TCHP: variants seen among roughly 807,000 people sequenced by gnomAD.
TCHP encodes trichoplein keratin filament-binding protein.
Under a neutral mutation model 88.7 loss-of-function variants are expected in TCHP, and 81 were observed. The observed-to-expected ratio is 0.91, with a 90% CI of 0.76 to 1.10. The LOEUF (loss-of-function observed/expected upper bound fraction) is 1.10. TCHP is among the 50% of genes least tolerant of loss of function. TCHP has a pLI of 0.00. For synonymous variants in TCHP, 232 were observed against 232.5 expected (o/e 1.00, Z 0.02); for missense variants, 641 against 632.1 (o/e 1.01, Z -0.15).
chr12:109,894,625 C>T, the TCHP span, among the ~76,000 whole-genome samples: 9 of 151,370 alleles, frequency 5.9e-5, no homozygotes, highest in Non-Finnish European at 8.8e-5. Flanking sequence ...ATTAGTTGGG[C>T]GTAGTGGCGC....
At chr12:109,911,829 C>T (rs935964706) in intron 9 of TCHP, among the ~76,000 whole-genome samples, 4 of 151,302 alleles carry the variant, frequency 2.6e-5, no homozygotes, top group African/African-American at 9.7e-5. Flanking sequence ...TAGAGTCTTG[C>T]TCTGTCACCC....
At chr12:109,914,107 C>G (rs1870661721) in intron 10 of TCHP, 1 of 167,484 alleles carries the variant, frequency 6.0e-6, no homozygotes, top group South Asian at 1.6e-4. Flanking sequence ...AGGAAGGAGA[C>G]TCACCTTGTT....
rs149105281 is a variant in TCHP at position 109,914,966 on chromosome 12, G to A, written c.1320+339G>A. On this transcript the variant is annotated intron_variant, in intron 11 of 12. Transcript: ENST00000405876. The stretch of plus-strand genomic sequence containing the variant: ...TCCTCCAAACACCTGGCCACAGGCC[G>A]AGCTTTTCACGAGGTACACGCCACG... The A allele has an allele frequency of 2.0e-3, 796 of 393,386 alleles. 2 individuals are homozygous for A. The highest frequency in any genetic ancestry group is 3.1e-3 in the Non-Finnish European group (659 of 213,006). The allele number at this position is 393,386 out of a possible 1,614,324, so 24.4% of individuals were successfully genotyped here.
upstream of TCHP, among the ~76,000 whole-genome samples, chr12:109,898,296 G>A (rs931077656): frequency 1.3e-5 from 2 of 152,098 alleles, no homozygotes; most frequent in African/African-American, 2.4e-5. Context: ...TGCAACCCCC[G>A]TCTCCTCGGT....
At chr12:109,916,467 T>G in intron 12 of TCHP, 124 bp from the exon 13 acceptor site, 1 of 1,091,494 alleles carries the variant, frequency 9.2e-7, no homozygotes, top group South Asian at 1.7e-5. Context: ...GGGTCAGATT[T>G]TTTCAGCTGG....
At chr12:109,900,697 T>C (rs547148740) in intron 1 of TCHP, 2 of 152,390 alleles carry the variant, frequency 1.3e-5, no homozygotes, top group Admixed American at 1.3e-4. Context: ...GTGCAAAGAC[T>C]GATCCACTGG....
intron 10 of TCHP, chr12:109,914,157 C>A: frequency 5.0e-6 from 1 of 201,480 alleles, no homozygotes; most frequent in Non-Finnish European, 1.0e-5. Flanking sequence ...CAGCTCCATC[C>A]CCATCTCCTT....
At chr12:109,909,147 A>T (rs1038334535) in intron 8 of TCHP, among the ~76,000 whole-genome samples, 1 of 152,176 alleles carries the variant, frequency 6.6e-6, no homozygotes, top group African/African-American at 2.4e-5. Context: ...ACCATATTGT[A>T]TTCTTGAAAT....
rs1407685494 is a variant in TCHP at position 109,906,561 on chromosome 12, T to C, written c.457-11T>C. 1.9e-6 allele frequency: 3 copies of C among 1,612,648 alleles called. No homozygotes were observed. The highest frequency in any genetic ancestry group is 1.7e-6 in the Non-Finnish European group (2 of 1,179,518). ...GTGAGGAAATTCACATCGTCCCCCT[T>C]CCATCCTCAGATGGAGCTGGACCTT... On this transcript the variant is annotated splice_polypyrimidine_tract_variant and intron_variant, in intron 4 of 12. Coordinates refer to ENST00000405876, the MANE Select transcript of TCHP (RefSeq NM_001143852.2).
intron 6 of TCHP, 60 bp downstream of exon 6, chr12:109,907,759 G>T: frequency 1.3e-6 from 2 of 1,531,088 alleles, no homozygotes; most frequent in Non-Finnish European, 1.8e-6. Flanking sequence ...GCATGAGATG[G>T]GCACTTGAGA....
At position 109,903,870 on chromosome 12, in the gene TCHP, CAGCAG is replaced by C; in HGVS notation, c.189-57_189-53del. On this transcript the variant is annotated intron_variant, in intron 2 of 12. Coordinates refer to ENST00000405876, the MANE Select transcript of TCHP (RefSeq NM_001143852.2). The surrounding 1 kb of genome is among the most constrained non-coding windows in gnomAD (Gnocchi z 4.6). ...TCTACCTCAGCCTCTTTTACCGACA[CAGCAG>C]AGCAGAGCACGTTCCCTGTGGCTGT... 5 of 1,344,198 alleles carry C rather than the reference CAGCAG, an allele frequency of 3.7e-6. No homozygotes were observed. Among genetic ancestry groups the C allele is most frequent in the Non-Finnish European group, 4.2e-6 (4 of 959,474 alleles). The allele number at this position is 1,344,198 out of a possible 1,614,324, so 83.3% of individuals were successfully genotyped here.
intron 6 of TCHP, among the ~76,000 whole-genome samples, 179 bp downstream of exon 6, chr12:109,907,878 C>T (rs926244501): frequency 9.2e-5 from 14 of 152,266 alleles, no homozygotes; most frequent in African/African-American, 3.1e-4. Context: ...TTCCCATCCT[C>T]CTCGTTTGCG....
In TCHP at chr12:109,917,251, T is replaced by G. The variant is rs1289762965; in HGVS notation, c.*628T>G. 1 of 152,142 alleles carries G rather than the reference T, an allele frequency of 6.6e-6. No homozygotes were observed. Among genetic ancestry groups the G allele is most frequent in the Non-Finnish European group, 1.5e-5 (1 of 68,038 alleles). 9.4% of individuals were successfully genotyped at this position (152,142 alleles called of 1,614,324 possible). A position where few individuals can be genotyped will look rare whatever the true frequency, so the allele number is the denominator to read the frequency against. On this transcript the variant is annotated 3_prime_UTR_variant, in exon 13 of 13. Transcript: ENST00000405876. ...GAGTCTTTCCTCCTCCAGGAAGCAT[T>G]TTGGTAGAATTTCCATAGAGCATTG...
chr12:109,890,641 C>G, the TCHP span, among the ~76,000 whole-genome samples: 1 of 151,774 alleles, frequency 6.6e-6, no homozygotes, highest in Admixed American at 6.6e-5. Flanking sequence ...TCCCGAGTAG[C>G]TGGGACTACA....
chr12:109,904,626 G>T, intron 3 of TCHP, 111 bp from the exon 4 acceptor site: 4 of 853,594 alleles, frequency 4.7e-6, no homozygotes, highest in Admixed American at 2.2e-5. Context: ...TTGCAGTGAC[G>T]GTGTGAAGGG....
In TCHP at chr12:109,911,141, C is replaced by T; in HGVS notation, c.958C>T (p.Gln320Ter). ...GCGCCTCCACCTGGCCAGGCGGGAG[C>T]AGGTCATGGCCGATGTGGCCTGGAT... The part of the protein sequence containing the change: ...SQRLHLARRE[Q>*]VMADVAWMKQ... The change falls in exon 9 of 13, where the codon CAG (glutamine) becomes TAG (stop). Residue 320 changes from glutamine to a stop codon, truncating the protein, a stop_gained. Coordinates refer to ENST00000405876, the MANE Select transcript of TCHP (RefSeq NM_001143852.2). LOFTEE classifies it high-confidence loss of function. 3 of 1,597,326 alleles carry T rather than the reference C, an allele frequency of 1.9e-6. No individual in the cohort carries two copies. The highest frequency in any genetic ancestry group is 1.7e-6 in the Non-Finnish European group (2 of 1,173,822).
the TCHP span, among the ~76,000 whole-genome samples, chr12:109,891,410 CAG>C: frequency 9.6e-4 from 134 of 139,878 alleles, no homozygotes; most frequent in African/African-American, 3.5e-3. Context: ...TTTTTTGAGA[CAG>C]AGTCTCACTC....
chr12:109,915,230 C>A, intron 11 of TCHP, 173 bp from the exon 12 acceptor site: 1 of 807,504 alleles, frequency 1.2e-6, no homozygotes, highest in Non-Finnish European at 2.1e-6. Context: ...ACACACCATG[C>A]ATACAGCCTT....
At chr12:109,901,054 T>C (rs908911022) in intron 1 of TCHP, 9 of 152,268 alleles carry the variant, frequency 5.9e-5, no homozygotes, top group Admixed American at 4.6e-4. Context: ...ATCTGCAAGA[T>C]GAAAGGTCTG....
Sources: gnomAD v4.1 joint callset for allele counts (sites outside exome capture counted in the v4.1 genomes callset) on GRCh38, gnomAD v4.1.1 for gene constraint, Gnocchi (gnomAD v3.1) non-coding constraint, MANE v1.5 for transcripts, NCBI Gene and HGNC (gene_info 2026-07-23, HGNC 2026-07-21) for gene names.